COBLL1: variants seen among roughly 807,000 people sequenced by gnomAD.
COBLL1 encodes cordon-bleu protein-like 1.
In COBLL1, 50 loss-of-function variants were observed where a neutral mutation model predicts 94.8. The observed-to-expected ratio is 0.53, with a 90% confidence interval of 0.42 to 0.67. The LOEUF (loss-of-function observed/expected upper bound fraction) is 0.67, where lower values mean the gene tolerates loss of function less well. COBLL1 is among the 30% of genes least tolerant of loss of function. The pLI, the probability that COBLL1 is intolerant of heterozygous loss-of-function variation, is 0.00. For missense variants in COBLL1, 1,362 were observed against 1,348.7 expected (o/e 1.01, Z -0.15); for synonymous variants, 448 against 473.8 (o/e 0.95, Z 0.71).
At chr2:164,805,115 A>G (rs1422133563) in intron 2 of COBLL1, among the ~76,000 whole-genome samples, 1 of 151,404 alleles carries the variant, frequency 6.6e-6, no homozygotes, top group African/African-American at 2.4e-5. Context: ...TGATTCATAA[A>G]TTTTTGGAGT....
intron 2 of COBLL1, among the ~76,000 whole-genome samples, chr2:164,753,554 C>T (rs1475564443): frequency 6.6e-6 from 1 of 152,106 alleles, no homozygotes; most frequent in Admixed American, 6.6e-5. Flanking sequence ...TCTTTTGCAG[C>T]AAAACTTCTA....
chr2:164,717,834 G>T (rs1218692837), intron 7 of COBLL1, among the ~76,000 whole-genome samples: 1 of 152,014 alleles, frequency 6.6e-6, no homozygotes, highest in Non-Finnish European at 1.5e-5. Context: ...CAAAGTGCTG[G>T]GATTATAGGC....
intron 13 of COBLL1, among the ~76,000 whole-genome samples, chr2:164,690,002 T>C (rs1286723579): frequency 6.6e-6 from 1 of 152,194 alleles, no homozygotes; most frequent in Non-Finnish European, 1.5e-5. Context: ...GTGCACATTG[T>C]TGCATTTTAC....
chr2:164,821,891 T>C (rs988024863), intron 2 of COBLL1, among the ~76,000 whole-genome samples: 1 of 152,200 alleles, frequency 6.6e-6, no homozygotes, highest in African/African-American at 2.4e-5. Flanking sequence ...ACTTACTGAA[T>C]AGAAACTGAG....
chr2:164,751,931 T>TCATTGGTCAAA (rs1687145870), intron 2 of COBLL1, among the ~76,000 whole-genome samples: 1 of 152,184 alleles, frequency 6.6e-6, no homozygotes, highest in Non-Finnish European at 1.5e-5. Flanking sequence ...AATCTGTAGC[T>TCATTGGTCAAA]TCCTTTGACC....
At chr2:164,672,728 A>AAAAAAT (rs67260713) in intron 1 of COBLL1, among the ~76,000 whole-genome samples, 77 of 132,498 alleles carry the variant, frequency 5.8e-4, no homozygotes, top group African/African-American at 1.8e-3. Flanking sequence ...AAAAAAAAAA[A>AAAAAAT]ATGACTTTGT....
At chr2:164,678,506 T>C (rs2105391724), downstream of COBLL1, among the ~76,000 whole-genome samples, 1 of 152,194 alleles carries the variant, frequency 6.6e-6, no homozygotes, top group East Asian at 1.9e-4. Context: ...CAGAATAAAA[T>C]ACCAATGAAT....
intron 2 of COBLL1, among the ~76,000 whole-genome samples, chr2:164,795,532 G>A (rs12998940): frequency 0.05 from 7,666 of 151,842 alleles, 294 homozygotes; most frequent in Middle Eastern, 0.1. Flanking sequence ...CCAATGACCC[G>A]CTCCCAGTTA....
chr2:164,818,368 A>G (rs979194863), intron 2 of COBLL1, among the ~76,000 whole-genome samples: 4 of 149,722 alleles, frequency 2.7e-5, no homozygotes, highest in East Asian at 2.0e-4. Context: ...ACGTATGTGT[A>G]CATGCGTATG....
chr2:164,730,248 T>C (rs925234526), intron 3 of COBLL1, 133 bp from the exon 4 acceptor site: 7 of 787,970 alleles, frequency 8.9e-6, no homozygotes, highest in Admixed American at 2.3e-5. Flanking sequence ...CAGGTCAAGC[T>C]ACAGGCCAAG....
chr2:164,703,332 T>C, intron 9 of COBLL1: 1 of 690,110 alleles, frequency 1.4e-6, no homozygotes, highest in Non-Finnish European at 2.5e-6. Context: ...CAATTATCCA[T>C]GCATTAAATA....
intron 2 of COBLL1, among the ~76,000 whole-genome samples, chr2:164,746,381 TAA>T (rs907086566): frequency 3.9e-5 from 6 of 152,026 alleles, no homozygotes; most frequent in African/African-American, 1.4e-4. Flanking sequence ...TGTGGAAAAA[TAA>T]GTCAATAAAA....
At chr2:164,770,916 G>C (rs1688171603) in intron 2 of COBLL1, among the ~76,000 whole-genome samples, 1 of 151,950 alleles carries the variant, frequency 6.6e-6, no homozygotes, top group Non-Finnish European at 1.5e-5. Flanking sequence ...TCAAGATACA[G>C]GAGCTAAAAT....
At chr2:164,797,351 T>C (rs1271812286) in intron 2 of COBLL1, among the ~76,000 whole-genome samples, 2 of 152,216 alleles carry the variant, frequency 1.3e-5, no homozygotes, top group African/African-American at 2.4e-5. Context: ...CTAACTATTG[T>C]ATAATGATGG....
chr2:164,700,512 G>C lies in COBLL1; in HGVS notation c.1460+10C>G, dbSNP rs1024795423. 1 of 1,550,970 alleles carries C rather than the reference G, an allele frequency of 6.4e-7. No individual in the cohort carries two copies. The highest frequency in any genetic ancestry group is 2.2e-5 in the East Asian group (1 of 44,570). ...ACGGCCACCAACACTCCAGCACAGA[G>C]ACTACTTACTGTCCATCTGTGCTTT... On this transcript the variant is annotated intron_variant, in intron 10 of 13. Transcript: ENST00000652658.
At chr2:164,774,431 T>G (rs1453889953) in intron 2 of COBLL1, among the ~76,000 whole-genome samples, 2 of 152,214 alleles carry the variant, frequency 1.3e-5, no homozygotes, top group Non-Finnish European at 2.9e-5. Flanking sequence ...CTAGATTTTA[T>G]AGTCAGTCCT....
chr2:164,673,281 A>G (rs1364689005), intron 1 of COBLL1, among the ~76,000 whole-genome samples: 1 of 152,242 alleles, frequency 6.6e-6, no homozygotes, highest in African/African-American at 2.4e-5. Flanking sequence ...TACGGAAAGA[A>G]TAAGAAAGGC....
At chr2:164,699,359 CATA>C (rs1436897276) in intron 11 of COBLL1, 43 bp downstream of exon 11, 1 of 1,228,064 alleles carries the variant, frequency 8.1e-7, no homozygotes, top group African/African-American at 1.5e-5. Flanking sequence ...GTCCTTGGCA[CATA>C]ATAAAAGTAA....
intron 2 of COBLL1, among the ~76,000 whole-genome samples, chr2:164,777,764 T>G (rs964133059): frequency 1.6e-4 from 24 of 152,254 alleles, no homozygotes; most frequent in Admixed American, 6.5e-4. Flanking sequence ...TAAAAGAAAC[T>G]GGCATAGGGG....
Sources: allele counts gnomAD v4.1 joint callset (sites outside exome capture counted in the v4.1 genomes callset), GRCh38; gene constraint gnomAD v4.1.1; transcripts MANE v1.5; gene names NCBI Gene and HGNC (gene_info 2026-07-23, HGNC 2026-07-21).